The following FNBP1L variants were observed in gnomAD, a reference collection of about 807,000 sequenced individuals.
The protein encoded by FNBP1L is formin-binding protein 1-like.
A neutral mutation model predicts 91.2 loss-of-function variants in FNBP1L; 36 were observed. That is an observed-to-expected ratio of 0.39 (90% CI 0.30 to 0.52). The LOEUF is 0.52. Among genes scored for constraint, FNBP1L ranks in the 20% least tolerant of loss-of-function variants. The pLI is 0.66. For missense variants in FNBP1L, 571 were observed against 732.1 expected, an observed-to-expected ratio of 0.78 and a Z score of 2.54; for synonymous variants, 242 against 237.0, an observed-to-expected ratio of 1.02 and a Z score of -0.19.
At chr1:93,526,260 A>G (rs537185709) in intron 5 of FNBP1L, among the ~76,000 whole-genome samples, 1 of 152,276 alleles carries the variant, frequency 6.6e-6, no homozygotes, top group East Asian at 1.9e-4. Context: ...ACAGTTTTAT[A>G]AGAGCAGAGC....
intron 2 of FNBP1L, among the ~76,000 whole-genome samples, chr1:93,509,969 G>A (rs371490868): frequency 1.8e-3 from 275 of 152,314 alleles, no homozygotes; most frequent in African/African-American, 5.9e-3. Flanking sequence ...CTACGCCCAC[G>A]GAGTCTTGCT....
chr1:93,509,277 G>A (rs1570818261), intron 2 of FNBP1L, among the ~76,000 whole-genome samples: 1 of 152,174 alleles, frequency 6.6e-6, no homozygotes, highest in African/African-American at 2.4e-5. Flanking sequence ...GATCCATACT[G>A]TTCTTATCTT....
At chr1:93,476,493 G>A (rs745543588) in intron 1 of FNBP1L, among the ~76,000 whole-genome samples, 31 of 152,268 alleles carry the variant, frequency 2.0e-4, no homozygotes, top group Admixed American at 3.3e-4. Context: ...GGGATATTAT[G>A]TGAACAAAAA....
chr1:93,538,803 T>G (rs932550656), intron 10 of FNBP1L, among the ~76,000 whole-genome samples: 2 of 152,138 alleles, frequency 1.3e-5, no homozygotes, highest in Non-Finnish European at 2.9e-5. Flanking sequence ...TTTTGTGCGA[T>G]ATTTGCTGCA....
chr1:93,488,789 A>G (rs1196815908), intron 1 of FNBP1L, among the ~76,000 whole-genome samples: 1 of 152,230 alleles, frequency 6.6e-6, no homozygotes, highest in Non-Finnish European at 1.5e-5. Context: ...AAGCAGAAGT[A>G]TTAGGGTTAT....
At chr1:93,544,304 A>C in intron 12 of FNBP1L, 88 bp downstream of exon 12, 1 of 764,018 alleles carries the variant, frequency 1.3e-6, no homozygotes. Flanking sequence ...GAAGGTTTAA[A>C]AATCATATAT....
chr1:93,497,970 A>T (rs1361682579), intron 1 of FNBP1L, among the ~76,000 whole-genome samples: 5 of 45,430 alleles, frequency 1.1e-4, no homozygotes, highest in East Asian at 1.4e-3. Context: ...CAAATATGTT[A>T]AAAAAAAAAA....
At chr1:93,448,418 C>A in intron 1 of FNBP1L, 113 bp downstream of exon 1, 2 of 1,207,644 alleles carry the variant, frequency 1.7e-6, no homozygotes, top group Non-Finnish European at 2.2e-6. Flanking sequence ...CTCGGTCCGG[C>A]GCTGGCGGAG....
chr1:93,501,519 G>A (rs1557794750), intron 2 of FNBP1L, among the ~76,000 whole-genome samples: 2 of 152,108 alleles, frequency 1.3e-5, no homozygotes. Context: ...TCTTATTAGA[G>A]TGAGAACGCA....
intron 1 of FNBP1L, among the ~76,000 whole-genome samples, chr1:93,470,243 A>T (rs940600497): frequency 6.6e-6 from 1 of 151,770 alleles, no homozygotes; most frequent in African/African-American, 2.4e-5. Context: ...TGAGCATCCT[A>T]TCTTAGCCTC....
chr1:93,480,161 C>G (rs758311158), intron 1 of FNBP1L, among the ~76,000 whole-genome samples: 9 of 152,142 alleles, frequency 5.9e-5, no homozygotes, highest in Admixed American at 1.3e-4. Context: ...AATCCCTTTC[C>G]CCACAAAGCA....
At chr1:93,469,550 G>A (rs955747642) in intron 1 of FNBP1L, among the ~76,000 whole-genome samples, 4 of 152,206 alleles carry the variant, frequency 2.6e-5, no homozygotes, top group East Asian at 1.9e-4. Context: ...ATAAACATAC[G>A]TGTGCATGTG....
intron 5 of FNBP1L, among the ~76,000 whole-genome samples, chr1:93,524,544 CTG>C (rs1045766343): frequency 7.7e-5 from 11 of 143,404 alleles, no homozygotes; most frequent in Non-Finnish European, 1.2e-4. Flanking sequence ...CTTAAGAACT[CTG>C]TAATCTTCAA....
At chr1:93,476,097 T>G (rs1669484677) in intron 1 of FNBP1L, among the ~76,000 whole-genome samples, 1 of 152,230 alleles carries the variant, frequency 6.6e-6, no homozygotes, top group Admixed American at 6.5e-5. Flanking sequence ...TTCTCTTGTT[T>G]AATTTCATTG....
intron 1 of FNBP1L, among the ~76,000 whole-genome samples, chr1:93,461,146 G>A (rs1401649673): frequency 6.6e-6 from 1 of 152,146 alleles, no homozygotes; most frequent in African/African-American, 2.4e-5. Flanking sequence ...GATATGCTCT[G>A]CCTGTAAATT....
At chr1:93,507,003 T>A (rs181588590) in intron 2 of FNBP1L, among the ~76,000 whole-genome samples, 27 of 148,752 alleles carry the variant, frequency 1.8e-4, no homozygotes, top group Admixed American at 6.1e-4. Flanking sequence ...GGAACAACAT[T>A]AATTTCTTTT....
At chr1:93,544,902 G>T (rs1407562681) in intron 12 of FNBP1L, among the ~76,000 whole-genome samples, 1 of 152,064 alleles carries the variant, frequency 6.6e-6, no homozygotes. Context: ...GCTGTGTTCT[G>T]TAAAGTCACT....
rs542828752 is a variant in FNBP1L, at chr1:93,466,563, T to C, written c.24+18258T>C. ...TCTGTTCTGTTCCATTGGTCTATAT[T>C]TCTGTTTTGGTACCAGTACCATGCT... is the stretch of plus-strand genomic sequence containing the variant. On this transcript the variant is annotated intron_variant, in intron 1 of 16. Transcript: ENST00000271234. Among the ~76,000 whole-genome samples, 17 of 152,194 alleles carry C rather than the reference T, an allele frequency of 1.1e-4. No individual in the cohort carries two copies. The South Asian group carries it at 3.3e-3, about 30-fold the overall frequency.
At chr1:93,507,879 C>T (rs1424083962) in intron 2 of FNBP1L, among the ~76,000 whole-genome samples, 1 of 151,212 alleles carries the variant, frequency 6.6e-6, no homozygotes, top group Non-Finnish European at 1.5e-5. Context: ...GAACTCCTGA[C>T]CTCAGGTGAT....
Sources: gnomAD v4.1 joint callset for allele counts (sites outside exome capture counted in the v4.1 genomes callset) on GRCh38, gnomAD v4.1.1 for gene constraint, MANE v1.5 for transcripts, NCBI Gene and HGNC (gene_info 2026-07-23, HGNC 2026-07-21) for gene names.